Variants in MRM3 observed in about 807,000 individuals in gnomAD.
The protein encoded by MRM3 is rRNA methyltransferase 3, mitochondrial.
Under a neutral mutation model 29.4 loss-of-function variants are expected in MRM3, and 26 were observed. That is an observed-to-expected ratio of 0.89 (90% confidence interval 0.65 to 1.23). The LOEUF is 1.23. Ranked by LOEUF, MRM3 falls within the 50% of genes most tolerant of loss-of-function variation. The pLI is 0.00. For missense variants in MRM3, 578 were observed against 540.2 expected (o/e 1.07, Z -0.69); for synonymous variants, 225 against 219.0 (o/e 1.03, Z -0.24).
At chr17:791,083 G>T (rs1315724084) in intron 3 of MRM3, among the ~76,000 whole-genome samples, 1 of 152,156 alleles carries the variant, frequency 6.6e-6, no homozygotes. Flanking sequence ...TCCTAGCTCT[G>T]TCCTCTGCCT....
rs535633280 is a variant in MRM3, at chr17:790,508, C to T, written c.728-1026C>T. Reference sequence around the variant, plus strand: ...CTCCTGTGCCACTACAGCCCCAGCGCTGATTGACCGGCTCACTGCCTGTGC... The same window carrying T: ...CTCCTGTGCCACTACAGCCCCAGCGTTGATTGACCGGCTCACTGCCTGTGC... On this transcript the variant is annotated intron_variant, in intron 3 of 3. Coordinates refer to ENST00000304478, the MANE Select transcript of MRM3 (RefSeq NM_018146.4). 6.7e-4 allele frequency: 138 copies of T among 207,088 alleles called. 3 individuals are homozygous for T. Among genetic ancestry groups the T allele is most frequent in the South Asian group, 6.6e-3 (137 of 20,878 alleles). The allele number at this position is 207,088 out of a possible 1,614,324, so 12.8% of individuals were successfully genotyped here.
intron 2 of MRM3, among the ~76,000 whole-genome samples, chr17:784,906 T>C (rs1404812519): frequency 3.3e-5 from 5 of 152,218 alleles, no homozygotes; most frequent in Admixed American, 3.3e-4. Flanking sequence ...TACCCTTCCA[T>C]TGCCTTCAGT....
Position 782,388 on chromosome 17 carries a change from C to A in MRM3, c.10C>A (p.Leu4Met). Reference protein sequence around the residue: MAALVRPARFVVRP... With the variant: MAAMVRPARFVVRP... ...CCGGGTCTCAGGGAACATGGCGGCG[C>A]TGGTGAGACCCGCGAGGTTTGTCGT... The change falls in exon 1 of 4, where the codon CTG becomes ATG. Residue 4 changes from leucine (L) to methionine (M), a missense_variant. Physicochemically the swap from Leu to Met is conservative, Grantham distance 15. Transcript: ENST00000304478. 1 of 1,613,674 alleles carries A rather than the reference C, an allele frequency of 6.2e-7. No individual in the cohort carries two copies. Among genetic ancestry groups the A allele is most frequent in the Non-Finnish European group, 8.5e-7 (1 of 1,179,872 alleles).
Position 782,369 on chromosome 17 carries a change from C to T in MRM3, c.-10C>T. 1.2e-6 allele frequency: 2 copies of T among 1,613,524 alleles called. No individual in the cohort carries two copies. The highest frequency in any genetic ancestry group is 1.7e-6 in the Non-Finnish European group (2 of 1,179,780). On this transcript the variant is annotated 5_prime_UTR_variant, in exon 1 of 4. Coordinates refer to ENST00000304478, the MANE Select transcript of MRM3 (RefSeq NM_018146.4). ...CGCGCTTTCGTGACGCAGCCCGGGTCTCAGGGAACATGGCGGCGCTGGTGA... is the reference window on the plus strand; with the variant it reads ...CGCGCTTTCGTGACGCAGCCCGGGTTTCAGGGAACATGGCGGCGCTGGTGA...
rs1296963844 is a variant in MRM3, at chr17:788,258, T to C, written c.727+126T>C. On this transcript the variant is annotated intron_variant, in intron 3 of 3. Transcript: ENST00000304478. ...TCCTGGGCAACATAGTGAGACCTCA[T>C]CTCTACAAAAAAAACTACAATTAGC... is the stretch of plus-strand genomic sequence containing the variant. 4 of 879,444 alleles carry C rather than the reference T, an allele frequency of 4.5e-6. No homozygotes were observed. In the African/African-American group the frequency reaches 5.1e-5, roughly 11 times the overall value. The allele number at this position is 879,444 out of a possible 1,614,324, so 54.5% of individuals were successfully genotyped here.
intron 2 of MRM3, among the ~76,000 whole-genome samples, chr17:784,859 C>T (rs1010958598): frequency 2.6e-5 from 4 of 152,116 alleles, no homozygotes; most frequent in Admixed American, 6.6e-5. Context: ...TCTGTGACTC[C>T]GAAGTGGAGG....
Position 792,110 on chromosome 17 carries a change from C to T in MRM3, c.*41C>T. The T allele has an allele frequency of 6.5e-7, 1 of 1,540,584 alleles. No individual in the cohort carries two copies. The highest frequency in any genetic ancestry group is 8.8e-7 in the Non-Finnish European group (1 of 1,140,656). ...TTCTGCTTGAGGACGTCTGCAGCTCCTCCTACACCAGCACACTGGTGGGAG... is the reference window on the plus strand; with the variant it reads ...TTCTGCTTGAGGACGTCTGCAGCTCTTCCTACACCAGCACACTGGTGGGAG... On this transcript the variant is annotated 3_prime_UTR_variant, in exon 4 of 4. Transcript: ENST00000304478.
At position 782,506 on chromosome 17, in the gene MRM3, C is replaced by T. The variant is rs536301279; in HGVS notation, c.128C>T (p.Pro43Leu). 1 of 1,613,534 alleles carries T rather than the reference C, an allele frequency of 6.2e-7. No individual in the cohort carries two copies. Among genetic ancestry groups the T allele is most frequent in the Non-Finnish European group, 8.5e-7 (1 of 1,179,514 alleles). Residue 43 changes from proline to leucine, a missense_variant, in exon 1 of 4, where the codon CCT (proline) becomes CTT (leucine). Physicochemically the swap from Pro to Leu is moderately conservative, Grantham distance 98. Coordinates refer to ENST00000304478, the MANE Select transcript of MRM3 (RefSeq NM_018146.4). Reference sequence around the variant, plus strand: ...CGGAGCCCAGTGAAAGTGGTGTTTCCTTCCGGAGAGGTGGTGGAACAGAAG... The same window carrying T: ...CGGAGCCCAGTGAAAGTGGTGTTTCTTTCCGGAGAGGTGGTGGAACAGAAG... Reference protein sequence around the residue: ...LRRSPVKVVFPSGEVVEQKRA... With the variant: ...LRRSPVKVVFLSGEVVEQKRA...
intron 3 of MRM3, among the ~76,000 whole-genome samples, chr17:791,144 T>C (rs1011234184): frequency 5.9e-5 from 9 of 152,326 alleles, no homozygotes; most frequent in Non-Finnish European, 1.2e-4. Context: ...CTCATCGCCC[T>C]GCTTTGTCCG....
Position 792,073 on chromosome 17 carries a change from C to G in MRM3, c.*4C>G. 1 of 1,579,966 alleles carries G rather than the reference C, an allele frequency of 6.3e-7. No individual in the cohort carries two copies. The highest frequency in any genetic ancestry group is 8.6e-7 in the Non-Finnish European group (1 of 1,160,410). ...CAGGGACAGGAGTTACCACTGAGGA[C>G]GCAGAAGTGACTTCTGCTTGAGGAC... is the stretch of plus-strand genomic sequence containing the variant. On this transcript the variant is annotated 3_prime_UTR_variant, in exon 4 of 4. Transcript: ENST00000304478.
At chr17:783,584 GC>G (rs1011435060) in intron 2 of MRM3, 1 of 321,314 alleles carries the variant, frequency 3.1e-6, no homozygotes, top group African/African-American at 2.1e-5. Context: ...TGATCCTCCT[GC>G]CTCGGCCTCC....
Position 792,410 on chromosome 17 carries a change from G to GTGTT in MRM3, c.*345_*348dup, listed in dbSNP as rs1210002338. The GTGTT allele has an allele frequency of 3.4e-5, 9 of 264,740 alleles. No individual in the cohort carries two copies. Among genetic ancestry groups the GTGTT allele is most frequent in the Non-Finnish European group, 6.5e-5 (9 of 138,954 alleles). 16.4% of individuals were successfully genotyped at this position (264,740 alleles called of 1,614,324 possible). A position where few individuals can be genotyped will look rare whatever the true frequency, so the allele number is the denominator to read the frequency against. The stretch of plus-strand genomic sequence containing the variant: ...AGGCGCCTGCTCCACCAGCTGGTGG[G>GTGTT]TGTTTGTAATCGCCAAGCACCAGCT... On this transcript the variant is annotated 3_prime_UTR_variant, in exon 4 of 4. Coordinates refer to ENST00000304478, the MANE Select transcript of MRM3 (RefSeq NM_018146.4).
rs1597592959 is a variant in MRM3 at position 783,072 on chromosome 17, TCC to T, written c.315-10_315-9del. On this transcript the variant is annotated splice_polypyrimidine_tract_variant and intron_variant, in intron 1 of 3. Coordinates refer to ENST00000304478, the MANE Select transcript of MRM3 (RefSeq NM_018146.4). ...TAGTTACCTGTTTTTTTTTTTTATT[TCC>T]ATCTACAGCAGTGTAATGACAATAG... 6.4e-7 allele frequency: 1 copy of T among 1,574,368 alleles called. No homozygotes were observed.
Position 792,052 on chromosome 17 carries a change from G to GT in MRM3, c.1246_1247insT (p.Asp416ValfsTer11). ...GGGGAGGGCGGAGGACTTGAGCAGG[G>GT]ACAGGAGTTACCACTGAGGACGCAG... On this transcript the variant is annotated frameshift_variant, in exon 4 of 4. Transcript: ENST00000304478. LOFTEE classifies it high-confidence loss of function. 2 of 1,605,100 alleles carry GT rather than the reference G, an allele frequency of 1.2e-6. No homozygotes were observed. The highest frequency in any genetic ancestry group is 3.4e-5 in the Admixed American group (2 of 59,452).
rs369802793 is a variant in MRM3 at position 786,840 on chromosome 17, C to G, written c.560-1125C>G. Among the ~76,000 whole-genome samples, 5 of 152,320 alleles carry G rather than the reference C, an allele frequency of 3.3e-5. No homozygotes were observed. In the South Asian group the frequency reaches 6.2e-4, roughly 19 times the overall value. On this transcript the variant is annotated intron_variant, in intron 2 of 3. Coordinates refer to ENST00000304478, the MANE Select transcript of MRM3 (RefSeq NM_018146.4). ...CTAGAGAAATTTTTAGACACATGGA[C>G]AGACAGTCCTACAGGGATACCCATT...
At chr17:782,980 G>A (rs1910238279) in intron 1 of MRM3, 103 bp from the exon 2 acceptor site, 2 of 1,480,236 alleles carry the variant, frequency 1.4e-6, no homozygotes, top group Admixed American at 2.2e-5. Context: ...GAGCCACCGC[G>A]CCCGGCCCTC....
chr17:786,217 C>G (rs555601769), intron 2 of MRM3, among the ~76,000 whole-genome samples: 8 of 152,390 alleles, frequency 5.2e-5, no homozygotes, highest in Non-Finnish European at 8.8e-5. Context: ...TCTCTTGCCT[C>G]AGCCTCCTGA....
chr17:787,550 T>C lies in MRM3; in HGVS notation c.560-415T>C, dbSNP rs898603886. On this transcript the variant is annotated intron_variant, in intron 2 of 3. Coordinates refer to ENST00000304478, the MANE Select transcript of MRM3 (RefSeq NM_018146.4). The surrounding 1 kb of genome is among the most constrained non-coding windows in gnomAD (Gnocchi z 4.1). ...CAGAATGTATTCGTGGTTTTTTTTT[T>C]CCTTTTTTTTCTTTTTGAGAGGGAG... Among the ~76,000 whole-genome samples the C allele has an allele frequency of 5.3e-5, 8 of 152,018 alleles. No individual in the cohort carries two copies. Among genetic ancestry groups the C allele is most frequent in the Non-Finnish European group, 2.9e-5 (2 of 67,998 alleles).
In MRM3 at chr17:782,648, T is replaced by C. The variant is rs1318264890; in HGVS notation, c.270T>C (p.Ser90=). 7.4e-6 allele frequency: 12 copies of C among 1,612,938 alleles called. No homozygotes were observed. Among genetic ancestry groups the C allele is most frequent in the Non-Finnish European group, 9.3e-6 (11 of 1,179,336 alleles). Residue 90 remains serine (S), a synonymous_variant, in exon 1 of 4, where the codon TCT becomes TCC. Transcript: ENST00000304478. The part of the protein sequence containing the change: ...ASRAPSTWEE[S]GLRYDKAYPG... Reference sequence around the variant, plus strand: ...GCGCTCCCAGCACCTGGGAAGAGTCTGGGCTTCGCTACGATAAAGCTTATC... The same window carrying C: ...GCGCTCCCAGCACCTGGGAAGAGTCCGGGCTTCGCTACGATAAAGCTTATC...
Sources: allele counts gnomAD v4.1 joint callset (sites outside exome capture counted in the v4.1 genomes callset), GRCh38; gene constraint gnomAD v4.1.1; non-coding constraint Gnocchi (gnomAD v3.1); transcripts MANE v1.5; gene names NCBI Gene and HGNC (gene_info 2026-07-23, HGNC 2026-07-21).